The following TPRX1 variants were observed in gnomAD, a reference collection of about 807,000 sequenced individuals.
The protein encoded by TPRX1 is tetrapeptide repeat homeobox 1, also known as tetra-peptide repeat homeobox protein 1.
A neutral mutation model predicts 8.1 loss-of-function variants in TPRX1; 2 were observed. That is an observed-to-expected ratio of 0.25 (90% CI 0.10 to 0.78). TPRX1 has a LOEUF of 0.78. Among genes scored for constraint, TPRX1 ranks in the 30% least tolerant of loss-of-function variants. The pLI, the probability that TPRX1 is intolerant of heterozygous loss-of-function variation, is 0.70. For synonymous variants in TPRX1, 257 were observed against 254.1 expected (o/e 1.01, Z -0.11); for missense variants, 517 against 586.9 (o/e 0.88, Z 1.23).
intron 2 of TPRX1, among the ~76,000 whole-genome samples, chr19:47,811,511 T>C (rs1967782377): frequency 6.6e-6 from 1 of 150,424 alleles, no homozygotes; most frequent in African/African-American, 2.5e-5. Flanking sequence ...TTTTTTTTTT[T>C]TTTTTGAGAC....
At chr19:47,807,912 T>A (rs1199000586) in intron 2 of TPRX1, among the ~76,000 whole-genome samples, 1 of 151,892 alleles carries the variant, frequency 6.6e-6, no homozygotes. Context: ...AAGGATGAAA[T>A]GTGTATAGTA....
intron 2 of TPRX1, among the ~76,000 whole-genome samples, chr19:47,815,644 T>TAAAA (rs1967832992): frequency 1.4e-4 from 3 of 21,038 alleles, no homozygotes; most frequent in Non-Finnish European, 2.3e-4. Flanking sequence ...CCCCCGTCTC[T>TAAAA]ACAAAAAAAA....
intron 2 of TPRX1, among the ~76,000 whole-genome samples, chr19:47,816,293 C>G (rs1201466330): frequency 6.6e-6 from 1 of 152,054 alleles, no homozygotes; most frequent in Non-Finnish European, 1.5e-5. Flanking sequence ...GTCTTGAACT[C>G]CTGAGCTCAA....
intron 2 of TPRX1, among the ~76,000 whole-genome samples, chr19:47,811,491 G>A (rs1462613480): frequency 2.1e-5 from 3 of 145,808 alleles, no homozygotes; most frequent in Non-Finnish European, 4.5e-5. Context: ...CCATGTTCAT[G>A]GCAACTTTTT....
At chr19:47,801,982 G>A (rs751886805) in exon 4 of TPRX1, 2 of 1,614,048 alleles carry the variant, frequency 1.2e-6, no homozygotes, top group African/African-American at 1.3e-5. Context: ...TGTCTGGCAA[G>A]AAGTCGGAGG....
intron 2 of TPRX1, among the ~76,000 whole-genome samples, chr19:47,816,456 G>T (rs1216169018): frequency 6.6e-6 from 1 of 151,152 alleles, no homozygotes; most frequent in African/African-American, 2.4e-5. Context: ...TCACTATGTT[G>T]CCCAGGCTGG....
At chr19:47,806,175 T>C (rs2123714024) in intron 2 of TPRX1, among the ~76,000 whole-genome samples, 1 of 151,024 alleles carries the variant, frequency 6.6e-6, no homozygotes, top group East Asian at 2.0e-4. Flanking sequence ...GGAGTGGAGA[T>C]TGTGCCACTG....
At chr19:47,815,746 A>G (rs1967834365) in intron 2 of TPRX1, among the ~76,000 whole-genome samples, 1 of 150,286 alleles carries the variant, frequency 6.7e-6, no homozygotes, top group Admixed American at 6.6e-5. Context: ...CAGGAGGTTG[A>G]GGCTTCAGTC....
chr19:47,802,871 A>G, exon 4 of TPRX1: 1 of 1,596,858 alleles, frequency 6.3e-7, no homozygotes. Context: ...GGCTGCAGGG[A>G]CTAGGGGCGC....
At chr19:47,804,864 G>T (rs1354961768) in intron 2 of TPRX1, among the ~76,000 whole-genome samples, 1 of 152,184 alleles carries the variant, frequency 6.6e-6, no homozygotes, top group Non-Finnish European at 1.5e-5. Context: ...TGTGGTTGGG[G>T]TCCCCATCTC....
rs1360730858 is a variant in TPRX1, at chr19:47,815,162, A to ATATATATGCAAATATATATATATATT, written c.151+3305_151+3306insAATATATATATATATTTGCATATATA. Among the ~76,000 whole-genome samples, 8 of 74,710 alleles carry ATATATATGCAAATATATATATATATT rather than the reference A, an allele frequency of 1.1e-4. No homozygotes were observed. In the East Asian group the frequency reaches 1.4e-3, roughly 13 times the overall value. 49.0% of individuals were successfully genotyped at this position (74,710 alleles called of 152,430 possible). ...TATATATGCAAATATATATATATAT[A>ATATATATGCAAATATATATATATATT]TTTTTTTTTTTTGAGACAGTCTTGC... On this transcript the variant is annotated intron_variant, in intron 2 of 3. Transcript: ENST00000535759.
At chr19:47,812,348 G>C (rs1967791608) in intron 2 of TPRX1, among the ~76,000 whole-genome samples, 1 of 152,174 alleles carries the variant, frequency 6.6e-6, no homozygotes, top group African/African-American at 2.4e-5. Flanking sequence ...TGTAATCCCA[G>C]CACCTTGGGA....
chr19:47,808,209 G>A (rs1225114710), intron 2 of TPRX1, among the ~76,000 whole-genome samples: 1 of 152,094 alleles, frequency 6.6e-6, no homozygotes, highest in African/African-American at 2.4e-5. Context: ...CCGCCTCCCA[G>A]GTTCAAGCAA....
intron 2 of TPRX1, among the ~76,000 whole-genome samples, chr19:47,807,094 A>G (rs746679016): frequency 6.6e-6 from 1 of 151,928 alleles, no homozygotes; most frequent in Non-Finnish European, 1.5e-5. Flanking sequence ...TTAGTAGAGA[A>G]TGGGTTTCAC....
chr19:47,818,211 CCCAT>C (rs1158497330), intron 2 of TPRX1, among the ~76,000 whole-genome samples: 2 of 148,138 alleles, frequency 1.4e-5, no homozygotes, highest in East Asian at 2.0e-4. Flanking sequence ...CCATCCATCA[CCCAT>C]CCATCCATCC....
intron 2 of TPRX1, 65 bp from the exon 2 acceptor site, chr19:47,803,738 C>T (rs938457069): frequency 3.8e-5 from 29 of 754,514 alleles, no homozygotes; most frequent in African/African-American, 3.5e-4. Context: ...CTAGGGACCC[C>T]GTCCCCTGCA....
chr19:47,806,980 C>CTGCAACCT (rs1967741076), intron 2 of TPRX1, among the ~76,000 whole-genome samples: 1 of 151,578 alleles, frequency 6.6e-6, no homozygotes, highest in Non-Finnish European at 1.5e-5. Flanking sequence ...TCTCGGCTTG[C>CTGCAACCT]TGCAACCTCC....
exon 4 of TPRX1, chr19:47,802,940 C>A (rs572964960): frequency 1.4e-5 from 21 of 1,552,566 alleles, no homozygotes; most frequent in Non-Finnish European, 1.6e-5. Context: ...CTGGAGCCGC[C>A]GCTCCCGAGC....
intron 2 of TPRX1, among the ~76,000 whole-genome samples, chr19:47,815,133 TATATATATATGC>T (rs1177647940): frequency 2.6e-5 from 3 of 114,014 alleles, no homozygotes; most frequent in African/African-American, 1.0e-4. Flanking sequence ...TATATATATA[TATATATATATGC>T]AAATATATAT....
Sources: gnomAD v4.1 joint callset for allele counts (sites outside exome capture counted in the v4.1 genomes callset) on GRCh38, gnomAD v4.1.1 for gene constraint, MANE v1.5 for transcripts, NCBI Gene and HGNC (gene_info 2026-07-23, HGNC 2026-07-21) for gene names.